The following ACSM2B variants were observed in gnomAD, a reference collection of about 807,000 sequenced individuals.
ACSM2B encodes the protein acyl-CoA synthetase medium chain family member 2B.
ACSM2B carries 58 observed loss-of-function variants against 78.6 expected under a neutral mutation model. That is an observed-to-expected ratio of 0.74 (90% confidence interval 0.60 to 0.92). The LOEUF (loss-of-function observed/expected upper bound fraction) is 0.92. Ranked by LOEUF, ACSM2B falls within the 40% of genes least tolerant of loss-of-function variation. The probability of loss-of-function intolerance (pLI) is 0.00; values close to 1 mark genes in which losing one functional copy is unlikely to be tolerated. For missense variants in ACSM2B, 688 were observed against 711.2 expected (o/e 0.97, Z 0.37); for synonymous variants, 257 against 256.8 (o/e 1.00, Z -0.01).
chr16:20,561,768 G>A lies in ACSM2B; in HGVS notation c.178-2321C>T, dbSNP rs573322963. Among the ~76,000 whole-genome samples the A allele has an allele frequency of 5.9e-5, 9 of 151,368 alleles. No individual in the cohort carries two copies. The South Asian group carries it at 8.5e-4, about 14-fold the overall frequency. ...CAGGGTACATGTGCACAACGTGCAC[G>A]TTTGTCACATATGTATACATGTGCC... On this transcript the variant is annotated intron_variant, in intron 2 of 13. Coordinates refer to ENST00000329697, the MANE Select transcript of ACSM2B (RefSeq NM_001105069.2).
chr16:20,558,070 G>C (rs1313499899), intron 3 of ACSM2B, among the ~76,000 whole-genome samples: 2 of 152,202 alleles, frequency 1.3e-5, no homozygotes, highest in Non-Finnish European at 2.9e-5. Context: ...TAGAATTATA[G>C]TTCAGGAGTC....
At position 20,540,719 on chromosome 16, in the gene ACSM2B, G is replaced by A. The variant is rs1463942827; in HGVS notation, c.1564C>T (p.Gln522Ter). The change falls in exon 13 of 14, where the codon CAG becomes TAG. Residue 522 changes from glutamine to a stop codon, truncating the protein, a stop_gained. Transcript: ENST00000329697. LOFTEE classifies it high-confidence loss of function. ...ASQFLSHDPE[Q>*]LTKELQQHVK... ...TGCTGCTGCAGCTCCTTGGTGAGCT[G>A]TTCTGGGTCATGGGATAGGAACTGC... The A allele has an allele frequency of 1.2e-6, 2 of 1,614,150 alleles. No individual in the cohort carries two copies. Among genetic ancestry groups the A allele is most frequent in the African/African-American group, 1.3e-5 (1 of 75,040 alleles).
chr16:20,553,703 C>A, intron 5 of ACSM2B, 74 bp downstream of exon 5: 1 of 1,566,632 alleles, frequency 6.4e-7, no homozygotes, highest in Non-Finnish European at 8.7e-7. Flanking sequence ...AGCCCAGGAG[C>A]ATTGGATTTG....
chr16:20,568,939 G>T lies in ACSM2B; in HGVS notation c.-8-4086C>A, dbSNP rs1167881505. On this transcript the variant is annotated intron_variant, in intron 1 of 13. Transcript: ENST00000329697. ...TTTTTTTACTTGCTAATTTGTTTGA[G>T]TTCCTTCTAGATTCTGAATATTAGT... is the stretch of plus-strand genomic sequence containing the variant. Among the ~76,000 whole-genome samples the T allele has an allele frequency of 4.6e-5, 7 of 151,728 alleles. No individual in the cohort carries two copies. In the East Asian group the frequency reaches 1.4e-3, roughly 29 times the overall value.
intron 9 of ACSM2B, among the ~76,000 whole-genome samples, chr16:20,545,611 T>C (rs1482118595): frequency 2.0e-5 from 3 of 152,290 alleles, no homozygotes; most frequent in Admixed American, 2.0e-4. Flanking sequence ...GCTACCTTAC[T>C]AGCTGACTTT....
chr16:20,563,628 T>C (rs1006056282), intron 2 of ACSM2B, among the ~76,000 whole-genome samples: 1 of 151,894 alleles, frequency 6.6e-6, no homozygotes, highest in African/African-American at 2.4e-5. Flanking sequence ...TGTTTGAAAA[T>C]TTTCAATTTT....
intron 2 of ACSM2B, among the ~76,000 whole-genome samples, chr16:20,560,532 C>T (rs2015620350): frequency 6.6e-6 from 1 of 152,030 alleles, no homozygotes; most frequent in African/African-American, 2.4e-5. Flanking sequence ...GAAGCAGATG[C>T]CAGCACACTT....
chr16:20,566,716 T>C (rs796277914), intron 1 of ACSM2B, among the ~76,000 whole-genome samples: 277 of 24,832 alleles, frequency 0.011, 56 homozygotes, highest in African/African-American at 0.078. Flanking sequence ...ATAGTATATA[T>C]AGTATATACT....
Position 20,543,199 on chromosome 16 carries a change from T to C in ACSM2B, c.1345A>G (p.Ile449Val), listed in dbSNP as rs1396481675. ...GDFWLLGDRG[I>V]KDEDGYFQFM... Reference sequence around the variant, plus strand: ...TGGAAATACCCATCTTCATCTTTGATTCCCCGGTCTCCAAGGAGCCAAAAG... The same window carrying C: ...TGGAAATACCCATCTTCATCTTTGACTCCCCGGTCTCCAAGGAGCCAAAAG... The change falls in exon 11 of 14, where the codon ATC becomes GTC. Residue 449 changes from isoleucine (I) to valine (V), a missense_variant. Transcript: ENST00000329697. 1.2e-6 allele frequency: 2 copies of C among 1,613,882 alleles called. No homozygotes were observed. Among genetic ancestry groups the C allele is most frequent in the Non-Finnish European group, 1.7e-6 (2 of 1,179,884 alleles).
intron 13 of ACSM2B, among the ~76,000 whole-genome samples, chr16:20,538,872 A>G (rs1298932411): frequency 6.6e-6 from 1 of 152,136 alleles, no homozygotes; most frequent in Non-Finnish European, 1.5e-5. Flanking sequence ...AGAGGCTGCA[A>G]GTCCATGTGG....
chr16:20,538,456 C>A (rs571830349), intron 13 of ACSM2B, among the ~76,000 whole-genome samples: 1 of 152,190 alleles, frequency 6.6e-6, no homozygotes, highest in South Asian at 2.1e-4. Context: ...ACTATTTGGG[C>A]CCCAAAGGGT....
At position 20,546,606 on chromosome 16, in the gene ACSM2B, C is replaced by T; in HGVS notation, c.1099-132G>A. The T allele has an allele frequency of 5.8e-6, 8 of 1,385,312 alleles. 1 individual carries two copies. The South Asian group carries it at 1.5e-4, about 26-fold the overall frequency. The allele number at this position is 1,385,312 out of a possible 1,614,324, so 85.8% of individuals were successfully genotyped here. ...CTGCACTTGGTGGCTCCCCCTGCTC[C>T]TCATTCCCTGGCTCTCTCCCCATTA... On this transcript the variant is annotated intron_variant, in intron 8 of 13. Transcript: ENST00000329697.
At chr16:20,547,127 T>C (rs1464010882) in intron 8 of ACSM2B, 93 of 1,021,022 alleles carry the variant, frequency 9.1e-5, no homozygotes, top group Non-Finnish European at 1.0e-4. Flanking sequence ...CAATGACCCA[T>C]CTTTTCCCGC....
rs1424751746 is a variant in ACSM2B, at chr16:20,553,802, C to G, written c.715G>C (p.Gly239Arg). 2.5e-6 allele frequency: 4 copies of G among 1,611,328 alleles called. No individual in the cohort carries two copies. The highest frequency in any genetic ancestry group is 3.4e-6 in the Non-Finnish European group (4 of 1,178,052). The change falls in exon 5 of 14, where the codon GGC (glycine) becomes CGC (arginine). Residue 239 changes from glycine to arginine, a missense_variant. Transcript: ENST00000329697. ...CCAGCATCCATCTTGGCCTTGAGGC[C>G]CAGGCTCGAGTAGGAATGTTCTGCC... ...KMAEHSYSSL[G>R]LKAKMDAGWT...
intron 3 of ACSM2B, among the ~76,000 whole-genome samples, chr16:20,558,177 C>T (rs1163416259): frequency 6.6e-6 from 1 of 152,106 alleles, no homozygotes; most frequent in Non-Finnish European, 1.5e-5. Context: ...AGGTGTTCTT[C>T]AGACCTTGCA....
rs567032767 is a variant in ACSM2B, at chr16:20,536,563, A to T, written c.*695T>A. 3.8e-4 allele frequency: 58 copies of T among 152,164 alleles called. No homozygotes were observed. The highest frequency in any genetic ancestry group is 1.4e-3 in the African/African-American group (57 of 41,512). 9.4% of individuals were successfully genotyped at this position (152,164 alleles called of 1,614,324 possible). On this transcript the variant is annotated 3_prime_UTR_variant, in exon 14 of 14. Transcript: ENST00000329697. ...CCCACACACAAGTCTTCCTGTATGGAGGTCTTCTCCTAGGGTAAAAGAAAG... is the reference window on the plus strand; with the variant it reads ...CCCACACACAAGTCTTCCTGTATGGTGGTCTTCTCCTAGGGTAAAAGAAAG...
rs563800838 is a variant in ACSM2B at position 20,559,457 on chromosome 16, G to A, written c.178-10C>T. 1.6e-5 allele frequency: 25 copies of A among 1,612,702 alleles called. No individual in the cohort carries two copies. In the South Asian group the frequency reaches 2.6e-4, roughly 17 times the overall value. On this transcript the variant is annotated splice_polypyrimidine_tract_variant and intron_variant, in intron 2 of 13. Transcript: ENST00000329697. ...GGAGTCGCTTGCCAGCCTGAGGAAA[G>A]AGAAACCCTGTTGATTAGGGGGCAT...
chr16:20,538,396 C>A (rs1219758240), intron 13 of ACSM2B, among the ~76,000 whole-genome samples: 14 of 152,174 alleles, frequency 9.2e-5, no homozygotes, highest in African/African-American at 2.2e-4. Context: ...TTAGCATTGC[C>A]TGGGCAAAGT....
At chr16:20,573,458 G>C (rs1300772799) in intron 1 of ACSM2B, among the ~76,000 whole-genome samples, 1 of 148,504 alleles carries the variant, frequency 6.7e-6, no homozygotes, top group Non-Finnish European at 1.5e-5. Flanking sequence ...AGAGAATGCT[G>C]TCACTACTGG....
Sources: gnomAD v4.1 joint callset for allele counts (sites outside exome capture counted in the v4.1 genomes callset) on GRCh38, gnomAD v4.1.1 for gene constraint, MANE v1.5 for transcripts, NCBI Gene and HGNC (gene_info 2026-07-23, HGNC 2026-07-21) for gene names.